SIPA1L1: variants seen among roughly 807,000 people sequenced by gnomAD.
SIPA1L1 encodes signal induced proliferation associated 1 like 1, also known as signal-induced proliferation-associated 1-like protein 1.
Under a neutral mutation model 162.7 loss-of-function variants are expected in SIPA1L1, and 26 were observed. The ratio of observed to expected loss-of-function variants is 0.16; its 90% CI spans 0.12 to 0.22. SIPA1L1 has a LOEUF of 0.22. SIPA1L1 is among the 10% of genes least tolerant of loss of function. The pLI is 1.00. For synonymous variants in SIPA1L1, 829 were observed against 837.4 expected (o/e 0.99, Z 0.17); for missense variants, 1,874 against 2,241.0 (o/e 0.84, Z 3.31).
intron 2 of SIPA1L1, chr14:71,448,627 T>C (rs759085630): frequency 6.6e-6 from 1 of 152,258 alleles, no homozygotes; most frequent in Non-Finnish European, 1.5e-5. Flanking sequence ...ATGTGTTATG[T>C]TTCCCTTGAA....
chr14:71,613,497 A>G (rs2038460122), intron 5 of SIPA1L1, among the ~76,000 whole-genome samples: 1 of 152,014 alleles, frequency 6.6e-6, no homozygotes, highest in Admixed American at 6.6e-5. Context: ...GCTCTAAAAT[A>G]TTCTAATTTC....
intron 13 of SIPA1L1, among the ~76,000 whole-genome samples, chr14:71,690,647 C>A (rs2081189770): frequency 6.6e-6 from 1 of 152,206 alleles, no homozygotes; most frequent in South Asian, 2.1e-4. Flanking sequence ...TCCTTGTCTT[C>A]CAAAAGGTAT....
At position 71,589,205 on chromosome 14, in the gene SIPA1L1, G is replaced by A. The variant is rs776428888; in HGVS notation, c.1333G>A (p.Ala445Thr). Residue 445 changes from alanine (A) to threonine (T), a missense_variant, in exon 5 of 24, where the codon GCC (alanine) becomes ACC (threonine). Physicochemically the swap from Ala to Thr is moderately conservative, Grantham distance 58. Around this residue, in one of 5 missense-constraint regions of SIPA1L1, gnomAD observed 685 missense variants for 828.0 expected, o/e 0.83. Transcript: ENST00000381232. ...NSGSFSGCES[A>T]SFESTLSSHC... is the part of the protein sequence containing the mutation. ...TGGCTCCTTTAGTGGATGTGAAAGT[G>A]CCTCCTTTGAGTCTACCCTTAGTTC... The A allele has an allele frequency of 6.2e-7, 1 of 1,614,122 alleles. No individual in the cohort carries two copies. The highest frequency in any genetic ancestry group is 8.5e-7 in the Non-Finnish European group (1 of 1,179,982).
chr14:71,415,481 T>G (rs1174326923), intron 2 of SIPA1L1, among the ~76,000 whole-genome samples: 1 of 152,186 alleles, frequency 6.6e-6, no homozygotes, highest in Non-Finnish European at 1.5e-5. Flanking sequence ...TGCCAAGAAT[T>G]GCTTAATGGT....
intron 4 of SIPA1L1, among the ~76,000 whole-genome samples, chr14:71,541,201 C>T (rs1175528473): frequency 6.6e-6 from 1 of 151,946 alleles, no homozygotes; most frequent in Non-Finnish European, 1.5e-5. Flanking sequence ...ATTTGCTGCT[C>T]CATGTGAGGT....
At chr14:71,558,501 A>G (rs1441145165) in intron 4 of SIPA1L1, among the ~76,000 whole-genome samples, 4 of 152,214 alleles carry the variant, frequency 2.6e-5, no homozygotes. Context: ...AAAGAGCCTT[A>G]GCTAACCACT....
chr14:71,451,141 A>G (rs1183312216), intron 2 of SIPA1L1, among the ~76,000 whole-genome samples: 1 of 152,160 alleles, frequency 6.6e-6, no homozygotes, highest in Non-Finnish European at 1.5e-5. Context: ...TTAGTGAGAT[A>G]AGCAGATACA....
chr14:71,652,511 AC>A (rs1274716844), intron 8 of SIPA1L1, among the ~76,000 whole-genome samples: 1 of 152,314 alleles, frequency 6.6e-6, no homozygotes, highest in Non-Finnish European at 1.5e-5. Context: ...AAATTAAAGT[AC>A]TATCTGCTGT....
At chr14:71,569,071 C>T (rs979117217) in intron 4 of SIPA1L1, among the ~76,000 whole-genome samples, 2 of 152,112 alleles carry the variant, frequency 1.3e-5, no homozygotes, top group Admixed American at 6.5e-5. Context: ...CAGTTAAATA[C>T]GTTGCATTGA....
At chr14:71,530,683 A>G (rs564913861) in intron 4 of SIPA1L1, among the ~76,000 whole-genome samples, 1 of 152,336 alleles carries the variant, frequency 6.6e-6, no homozygotes, top group South Asian at 2.1e-4. Flanking sequence ...TCCATTGAAC[A>G]TTAAAAAACC....
chr14:71,438,586 A>G (rs181967348), intron 2 of SIPA1L1, among the ~76,000 whole-genome samples: 5 of 152,306 alleles, frequency 3.3e-5, no homozygotes, highest in African/African-American at 7.2e-5. Context: ...GCATGTGGTA[A>G]AAGGACCACG....
At chr14:71,677,352 C>G in intron 12 of SIPA1L1, among the ~76,000 whole-genome samples, 1 of 152,074 alleles carries the variant, frequency 6.6e-6, no homozygotes, top group Non-Finnish European at 1.5e-5. Flanking sequence ...TGTTTAAGTT[C>G]TTTGTAGATT....
chr14:71,668,262 G>A (rs1478077282), intron 10 of SIPA1L1, among the ~76,000 whole-genome samples: 1 of 152,204 alleles, frequency 6.6e-6, no homozygotes, highest in Non-Finnish European at 1.5e-5. Flanking sequence ...TCAGGAGTAG[G>A]AGGTTTGAAA....
chr14:71,692,509 GC>G (rs2081324115), intron 13 of SIPA1L1, among the ~76,000 whole-genome samples: 1 of 152,216 alleles, frequency 6.6e-6, no homozygotes, highest in Non-Finnish European at 1.5e-5. Context: ...TCCACTCCTT[GC>G]AGGAAACAGC....
At chr14:71,656,336 A>ATT (rs11390626) in intron 8 of SIPA1L1, among the ~76,000 whole-genome samples, 2,557 of 151,024 alleles carry the variant, frequency 0.017, 26 homozygotes, top group East Asian at 0.031. Flanking sequence ...TACCAATGAC[A>ATT]TTTTTTTTTT....
At chr14:71,395,718 C>T (rs538241895) in intron 2 of SIPA1L1, among the ~76,000 whole-genome samples, 2 of 152,328 alleles carry the variant, frequency 1.3e-5, no homozygotes, top group South Asian at 2.1e-4. Flanking sequence ...TTCACTGAGA[C>T]TCCTCTTGTG....
intron 2 of SIPA1L1, among the ~76,000 whole-genome samples, chr14:71,400,480 G>A (rs960811340): frequency 5.3e-5 from 8 of 151,956 alleles, no homozygotes; most frequent in South Asian, 2.1e-4. Flanking sequence ...TGAATCTTAG[G>A]GAATGTTTGG....
At position 71,367,498 on chromosome 14, in the gene SIPA1L1, C is replaced by T. The variant is rs555478205; in HGVS notation, c.-465+46317C>T. 6.5e-4 allele frequency among the ~76,000 whole-genome samples: 98 copies of T among 150,878 alleles called. 1 individual carries two copies. The highest frequency in any genetic ancestry group is 2.3e-3 in the African/African-American group (95 of 41,000). ...ATTTTTTTGTATTTTTTACTGGAGA[C>T]GGGGTTTCACCGTGTTAGCCAGGAT... On this transcript the variant is annotated intron_variant, in intron 2 of 23. Coordinates refer to ENST00000381232, the MANE Select transcript of SIPA1L1 (RefSeq NM_001386936.1).
chr14:71,384,834 C>T (rs1277464153), intron 2 of SIPA1L1, among the ~76,000 whole-genome samples: 1 of 152,228 alleles, frequency 6.6e-6, no homozygotes, highest in East Asian at 1.9e-4. Flanking sequence ...TTCCTTTTGA[C>T]TGTCTCCTTC....
Sources: gnomAD v4.1 joint callset for allele counts (sites outside exome capture counted in the v4.1 genomes callset) on GRCh38, gnomAD v4.1.1 for gene constraint, gnomAD v4.1.1 regional missense constraint, MANE v1.5 for transcripts, NCBI Gene and HGNC (gene_info 2026-07-23, HGNC 2026-07-21) for gene names.